DOCK7: variants seen among roughly 807,000 people sequenced by gnomAD.
DOCK7 encodes dedicator of cytokinesis protein 7.
In DOCK7, 138 loss-of-function variants were observed where a neutral mutation model predicts 271.0. That is an observed-to-expected ratio of 0.51 (90% CI 0.44 to 0.59). The LOEUF (loss-of-function observed/expected upper bound fraction) is 0.59. Ranked by LOEUF, DOCK7 falls within the 20% of genes least tolerant of loss-of-function variation. The pLI is 0.00. For synonymous variants in DOCK7, 823 were observed against 876.1 expected, an observed-to-expected ratio of 0.94 and a Z score of 1.07; for missense variants, 2,066 against 2,592.4, an observed-to-expected ratio of 0.80 and a Z score of 4.41.
At chr1:62,458,571 A>T (rs796504545) in intron 48 of DOCK7, 9 of 142,716 alleles carry the variant, frequency 6.3e-5, no homozygotes, top group African/African-American at 2.3e-4. Flanking sequence ...CTCACTCTGT[A>T]GCGCAGGCTG....
At chr1:62,456,385 T>TG (rs1289048093) in intron 49 of DOCK7, among the ~76,000 whole-genome samples, 1 of 152,160 alleles carries the variant, frequency 6.6e-6, no homozygotes, top group Admixed American at 6.5e-5. Context: ...CATTATCAGT[T>TG]GGTTTCTTTT....
chr1:62,459,390 A>T (rs1439670535), intron 48 of DOCK7, among the ~76,000 whole-genome samples: 1 of 151,986 alleles, frequency 6.6e-6, no homozygotes, highest in Non-Finnish European at 1.5e-5. Context: ...ACAGGCTCAC[A>T]TCGCCACACC....
chr1:62,517,526 T>TG (rs1644700814), intron 31 of DOCK7, among the ~76,000 whole-genome samples: 1 of 152,006 alleles, frequency 6.6e-6, no homozygotes, highest in Non-Finnish European at 1.5e-5. Context: ...ACCCGGGAGA[T>TG]GGAGGTTGCA....
intron 18 of DOCK7, among the ~76,000 whole-genome samples, chr1:62,576,333 G>C (rs1418695838): frequency 6.6e-6 from 1 of 152,174 alleles, no homozygotes; most frequent in Non-Finnish European, 1.5e-5. Flanking sequence ...GTAGAGGTCT[G>C]AGTAAAATGA....
chr1:62,475,144 A>G, intron 47 of DOCK7, 64 bp downstream of exon 47: 1 of 1,504,448 alleles, frequency 6.6e-7, no homozygotes, highest in Non-Finnish European at 8.9e-7. Flanking sequence ...ATTATTTCTG[A>G]TCTGAAATTA....
intron 31 of DOCK7, among the ~76,000 whole-genome samples, chr1:62,523,155 TTTTG>T (rs1223618306): frequency 1.3e-5 from 2 of 152,164 alleles, no homozygotes; most frequent in Non-Finnish European, 2.9e-5. Flanking sequence ...GTTTATTGGT[TTTTG>T]TTTATTTATT....
chr1:62,643,809 T>C (rs1436763538), intron 7 of DOCK7, among the ~76,000 whole-genome samples: 2 of 152,110 alleles, frequency 1.3e-5, no homozygotes, highest in Non-Finnish European at 2.9e-5. Context: ...GTACATTTTG[T>C]ATAAATTTGT....
intron 41 of DOCK7, 53 bp downstream of exon 41, chr1:62,492,651 T>C (rs1646500241): frequency 1.1e-5 from 18 of 1,601,540 alleles, no homozygotes; most frequent in Non-Finnish European, 1.5e-5. Context: ...ACACATGTCA[T>C]TGATAATTAG....
chr1:62,522,639 C>A (rs1360691831), intron 31 of DOCK7, among the ~76,000 whole-genome samples: 1 of 151,850 alleles, frequency 6.6e-6, no homozygotes, highest in Admixed American at 6.6e-5. Context: ...ACAAACATCA[C>A]CACTTCTATT....
chr1:62,581,277 A>C (rs1647111921), intron 16 of DOCK7, among the ~76,000 whole-genome samples: 1 of 152,224 alleles, frequency 6.6e-6, no homozygotes, highest in Non-Finnish European at 1.5e-5. Flanking sequence ...AATGGCCCAG[A>C]AACAGGACAG....
At chr1:62,526,650 A>G (rs1645018333) in intron 31 of DOCK7, among the ~76,000 whole-genome samples, 1 of 152,242 alleles carries the variant, frequency 6.6e-6, no homozygotes, top group Non-Finnish European at 1.5e-5. Context: ...TATTCTTAAC[A>G]GCCCCAAAGT....
chr1:62,468,498 T>C (rs1030366107), intron 48 of DOCK7, among the ~76,000 whole-genome samples: 1 of 151,920 alleles, frequency 6.6e-6, no homozygotes, highest in Non-Finnish European at 1.5e-5. Context: ...CTCTGAGAAC[T>C]GAACAAAACA....
At chr1:62,685,434 A>C (rs779207277) in intron 1 of DOCK7, among the ~76,000 whole-genome samples, 1 of 152,206 alleles carries the variant, frequency 6.6e-6, no homozygotes, top group Non-Finnish European at 1.5e-5. Flanking sequence ...CCTTTCATTC[A>C]CAATAAGCAG....
rs956640129 is a variant in DOCK7, at chr1:62,455,268, C to G, written c.*146G>C. 3 of 835,402 alleles carry G rather than the reference C, an allele frequency of 3.6e-6. No individual in the cohort carries two copies. Among genetic ancestry groups the G allele is most frequent in the East Asian group, 2.6e-5 (1 of 37,792 alleles). 51.7% of individuals were successfully genotyped at this position (835,402 alleles called of 1,614,324 possible). On this transcript the variant is annotated 3_prime_UTR_variant, in exon 50 of 50. Coordinates refer to ENST00000635253, the MANE Select transcript of DOCK7 (RefSeq NM_001367561.1). ...GCCATGATTCTCAAGCGTTAACAAT[C>G]TACATTTGATATTTTCTTGGCCACT...
At chr1:62,466,520 A>C (rs2149242793) in intron 48 of DOCK7, among the ~76,000 whole-genome samples, 1 of 152,304 alleles carries the variant, frequency 6.6e-6, no homozygotes, top group Non-Finnish European at 1.5e-5. Flanking sequence ...GTCAAGAAGT[A>C]TTTTATTAGT....
At position 62,559,238 on chromosome 1, in the gene DOCK7, CA is replaced by C; in HGVS notation, c.2200-19del. ...TAAGGATCCTAAAACAAAGAATAAA[CA>C]AAAGCACTAAGCACTTATAACTTTA... is the stretch of plus-strand genomic sequence containing the variant. On this transcript the variant is annotated intron_variant, in intron 19 of 49. Coordinates refer to ENST00000635253, the MANE Select transcript of DOCK7 (RefSeq NM_001367561.1). 1 of 1,589,692 alleles carries C rather than the reference CA, an allele frequency of 6.3e-7. No homozygotes were observed. The highest frequency in any genetic ancestry group is 8.6e-7 in the Non-Finnish European group (1 of 1,160,612).
At chr1:62,508,841 A>C (rs1209588457) in intron 34 of DOCK7, among the ~76,000 whole-genome samples, 1 of 152,216 alleles carries the variant, frequency 6.6e-6, no homozygotes, top group African/African-American at 2.4e-5. Context: ...TAAAAATGTA[A>C]GAATAATTAC....
At chr1:62,459,582 T>C (rs1429623098) in intron 48 of DOCK7, among the ~76,000 whole-genome samples, 1 of 152,174 alleles carries the variant, frequency 6.6e-6, no homozygotes, top group Non-Finnish European at 1.5e-5. Flanking sequence ...TTGATATTAA[T>C]AGATTAATGT....
intron 2 of DOCK7, among the ~76,000 whole-genome samples, chr1:62,659,029 C>A (rs1455808493): frequency 6.6e-6 from 1 of 151,362 alleles, no homozygotes; most frequent in East Asian, 1.9e-4. Context: ...ACTCTGTCAC[C>A]AGCAGATCTA....
Sources: allele counts gnomAD v4.1 joint callset (sites outside exome capture counted in the v4.1 genomes callset), GRCh38; gene constraint gnomAD v4.1.1; transcripts MANE v1.5; gene names NCBI Gene and HGNC (gene_info 2026-07-23, HGNC 2026-07-21).